PTPRQ: variants seen among roughly 807,000 people sequenced by gnomAD.
PTPRQ encodes the protein phosphatidylinositol phosphatase PTPRQ.
A neutral mutation model predicts 246.0 loss-of-function variants in PTPRQ; 199 were observed. The observed-to-expected ratio is 0.81, with a 90% CI of 0.72 to 0.91. The LOEUF is 0.91. PTPRQ is among the 40% of genes least tolerant of loss of function. The probability of loss-of-function intolerance (pLI) is 0.00; values close to 1 mark genes in which losing one functional copy is unlikely to be tolerated. For missense variants in PTPRQ, 2,624 were observed against 2,528.4 expected (o/e 1.04, Z -0.81); for synonymous variants, 869 against 853.2 (o/e 1.02, Z -0.32).
At chr12:80,555,095 A>G (rs912762524) in intron 25 of PTPRQ, among the ~76,000 whole-genome samples, 5 of 152,142 alleles carry the variant, frequency 3.3e-5, no homozygotes, top group African/African-American at 1.2e-4. Flanking sequence ...TTGTATTTTT[A>G]GTAGAGACAG....
chr12:80,630,963 C>A (rs1023383372), intron 33 of PTPRQ, among the ~76,000 whole-genome samples: 9 of 152,158 alleles, frequency 5.9e-5, no homozygotes, highest in African/African-American at 2.2e-4. Flanking sequence ...ATCTGCCTGC[C>A]TCGGCTTCCC....
intron 6 of PTPRQ, among the ~76,000 whole-genome samples, chr12:80,463,705 C>A (rs1893290418): frequency 6.6e-6 from 1 of 151,380 alleles, no homozygotes; most frequent in Non-Finnish European, 1.5e-5. Flanking sequence ...AGAGTGGGGG[C>A]CAATATTCAA....
chr12:80,597,591 A>G (rs536946542), intron 26 of PTPRQ, among the ~76,000 whole-genome samples: 3 of 152,118 alleles, frequency 2.0e-5, no homozygotes, highest in African/African-American at 7.2e-5. Flanking sequence ...AGAAGGAGTA[A>G]TTCAATCCCC....
At chr12:80,465,174 T>C (rs966743055) in intron 6 of PTPRQ, 1 of 150,008 alleles carries the variant, frequency 6.7e-6, no homozygotes, top group African/African-American at 2.5e-5. Context: ...AAAGGGGATA[T>C]TACCACTGAT....
chr12:80,450,136 T>G (rs7316849), intron 3 of PTPRQ, among the ~76,000 whole-genome samples: 147,427 of 151,816 alleles, frequency 0.97, 71,737 homozygotes, highest in African/African-American at 1. Flanking sequence ...TCTCTTTGAA[T>G]CAATTGTGAA....
In PTPRQ at chr12:80,648,987, A is replaced by G. The variant is rs940190591; in HGVS notation, c.5942+64A>G. 3.3e-5 allele frequency: 48 copies of G among 1,434,434 alleles called. No homozygotes were observed. In the South Asian group the frequency reaches 4.5e-4, roughly 14 times the overall value. 88.9% of individuals were successfully genotyped at this position (1,434,434 alleles called of 1,614,324 possible). On this transcript the variant is annotated intron_variant, in intron 36 of 44. Transcript: ENST00000644991. ...TCAAAGTTAGATGCACTGACTCAGT[A>G]GAACCTTAATGTGTGATTCACTTTT...
intron 14 of PTPRQ, among the ~76,000 whole-genome samples, chr12:80,501,502 A>G (rs1894797788): frequency 1.3e-5 from 2 of 151,934 alleles, no homozygotes; most frequent in African/African-American, 4.8e-5. Flanking sequence ...TAGATAAATA[A>G]GTTTAAAGCT....
At chr12:80,558,502 G>A (rs1348944642) in intron 25 of PTPRQ, among the ~76,000 whole-genome samples, 2 of 131,774 alleles carry the variant, frequency 1.5e-5, no homozygotes, top group African/African-American at 2.9e-5. Context: ...TGGTATGGAT[G>A]TACCACAGTT....
intron 3 of PTPRQ, among the ~76,000 whole-genome samples, chr12:80,447,960 A>C (rs1433044407): frequency 6.8e-6 from 1 of 148,126 alleles, no homozygotes; most frequent in East Asian, 1.9e-4. Flanking sequence ...TTTCATAAGA[A>C]TTGTGTTGAA....
intron 35 of PTPRQ, among the ~76,000 whole-genome samples, chr12:80,642,730 C>T (rs1474506446): frequency 1.3e-5 from 2 of 150,990 alleles, no homozygotes; most frequent in Non-Finnish European, 3.0e-5. Context: ...ACCATCCCGG[C>T]TAAAACGGTG....
intron 25 of PTPRQ, among the ~76,000 whole-genome samples, chr12:80,585,112 G>C (rs1344528702): frequency 1.3e-5 from 2 of 151,812 alleles, no homozygotes; most frequent in Non-Finnish European, 2.9e-5. Context: ...CTTCTATCTA[G>C]TATTTGATTT....
intron 25 of PTPRQ, among the ~76,000 whole-genome samples, chr12:80,556,062 C>G (rs185069137): frequency 6.6e-6 from 1 of 151,994 alleles, no homozygotes; most frequent in African/African-American, 2.4e-5. Context: ...GAGTCTTGCT[C>G]TGTTGTCCAG....
intron 27 of PTPRQ, among the ~76,000 whole-genome samples, chr12:80,609,780 A>G (rs1349856902): frequency 6.6e-6 from 1 of 150,590 alleles, no homozygotes; most frequent in Non-Finnish European, 1.5e-5. Flanking sequence ...AAAGAGCAGA[A>G]AATATCAAAG....
chr12:80,473,064 C>G (rs1226626278), intron 8 of PTPRQ, among the ~76,000 whole-genome samples: 3 of 151,752 alleles, frequency 2.0e-5, no homozygotes, highest in African/African-American at 7.3e-5. Flanking sequence ...CACACACACA[C>G]ACACACACAC....
At chr12:80,586,036 C>G (rs1253528662) in intron 25 of PTPRQ, among the ~76,000 whole-genome samples, 1 of 151,902 alleles carries the variant, frequency 6.6e-6, no homozygotes, top group Admixed American at 6.6e-5. Flanking sequence ...TTTCCAATTT[C>G]ACCCATGTCC....
chr12:80,495,659 A>G (rs1037392730), intron 12 of PTPRQ, among the ~76,000 whole-genome samples: 3 of 152,096 alleles, frequency 2.0e-5, no homozygotes, highest in Non-Finnish European at 4.4e-5. Context: ...GTATATCAAA[A>G]TAACTCATTA....
chr12:80,463,062 C>G (rs1188145098), intron 6 of PTPRQ, among the ~76,000 whole-genome samples: 1 of 152,118 alleles, frequency 6.6e-6, no homozygotes, highest in African/African-American at 2.4e-5. Flanking sequence ...GACGATCAAA[C>G]TACTCCGAGC....
intron 28 of PTPRQ, among the ~76,000 whole-genome samples, chr12:80,613,091 A>G (rs1410383892): frequency 2.0e-5 from 3 of 150,634 alleles, no homozygotes; most frequent in Admixed American, 6.6e-5. Context: ...GCATAAAAGT[A>G]TAACAAAACA....
intron 8 of PTPRQ, among the ~76,000 whole-genome samples, chr12:80,473,411 A>G (rs1486068980): frequency 1.3e-5 from 2 of 152,218 alleles, no homozygotes; most frequent in African/African-American, 4.8e-5. Flanking sequence ...AGCATGTCCT[A>G]GGAAACTAGA....
Sources: gnomAD v4.1 joint callset for allele counts (sites outside exome capture counted in the v4.1 genomes callset) on GRCh38, gnomAD v4.1.1 for gene constraint, MANE v1.5 for transcripts, NCBI Gene and HGNC (gene_info 2026-07-23, HGNC 2026-07-21) for gene names.